The following PCGF5 variants were observed in gnomAD, a reference collection of about 807,000 sequenced individuals.
The protein encoded by PCGF5 is polycomb group RING finger protein 5.
In PCGF5, 9 loss-of-function variants were observed where a neutral mutation model predicts 44.3. That is an observed-to-expected ratio of 0.20 (90% CI 0.12 to 0.35). PCGF5 has a LOEUF of 0.35. PCGF5 is among the 10% of genes least tolerant of loss of function. The probability of loss-of-function intolerance (pLI) is 1.00; values close to 1 mark genes in which losing one functional copy is unlikely to be tolerated. For missense variants in PCGF5, 146 were observed against 305.3 expected (o/e 0.48, Z 3.89); for synonymous variants, 95 against 102.5 (o/e 0.93, Z 0.44).
At chr10:91,183,207 C>T (rs1028387531) in intron 1 of PCGF5, among the ~76,000 whole-genome samples, 3 of 152,084 alleles carry the variant, frequency 2.0e-5, no homozygotes, top group Admixed American at 6.5e-5. Context: ...AAGTCTCCCA[C>T]TATTATTGTG....
chr10:91,204,873 G>A (rs1564633004), intron 1 of PCGF5, among the ~76,000 whole-genome samples: 2 of 152,116 alleles, frequency 1.3e-5, no homozygotes, highest in South Asian at 2.1e-4. Context: ...GGGCACAATG[G>A]TGAAAGATTT....
chr10:91,170,795 C>T (rs183744417), intron 1 of PCGF5, among the ~76,000 whole-genome samples: 227 of 152,306 alleles, frequency 1.5e-3, no homozygotes, highest in African/African-American at 5.3e-3. Context: ...TGTGGCCACA[C>T]AGAAACCTGC....
chr10:91,256,033 T>C (rs1845745030), intron 6 of PCGF5, among the ~76,000 whole-genome samples: 1 of 152,082 alleles, frequency 6.6e-6, no homozygotes, highest in African/African-American at 2.4e-5. Flanking sequence ...GATCTGTGAT[T>C]GCTTGAATTC....
At chr10:91,178,395 CTT>C (rs5786943) in intron 1 of PCGF5, among the ~76,000 whole-genome samples, 5 of 143,510 alleles carry the variant, frequency 3.5e-5, no homozygotes, top group African/African-American at 2.6e-5. Context: ...CTTTTCTTTT[CTT>C]TTTTTTTTTT....
Position 91,279,030 on chromosome 10 carries a change from A to G in PCGF5, c.*714A>G, listed in dbSNP as rs749008776. 1.3e-5 allele frequency: 2 copies of G among 152,588 alleles called. No individual in the cohort carries two copies. Among genetic ancestry groups the G allele is most frequent in the Non-Finnish European group, 2.9e-5 (2 of 68,022 alleles). The allele number at this position is 152,588 out of a possible 1,614,324, so 9.5% of individuals were successfully genotyped here. On this transcript the variant is annotated 3_prime_UTR_variant, in exon 10 of 10. Transcript: ENST00000336126. ...CTGAAGTTAGATTCCCAACCATTCA[A>G]AATGTTGGCAGCTGATCACATTTAC...
At chr10:91,221,783 A>G (rs1257655822) in intron 1 of PCGF5, among the ~76,000 whole-genome samples, 2 of 152,214 alleles carry the variant, frequency 1.3e-5, no homozygotes, top group Admixed American at 6.5e-5. Flanking sequence ...TATCTACTAA[A>G]TATGACCAGT....
rs541199835 is a variant in PCGF5 at position 91,195,071 on chromosome 10, A to G, written c.-183-27618A>G. On this transcript the variant is annotated intron_variant, in intron 1 of 9. Transcript: ENST00000614189. ...TTCTCAGTGGAATAGGAAGCAGCTG[A>G]GAGTGAGGATGGGGAAGGTGGTTTG... 2.0e-5 allele frequency among the ~76,000 whole-genome samples: 3 copies of G among 152,246 alleles called. No individual in the cohort carries two copies. In the South Asian group the frequency reaches 6.2e-4, roughly 32 times the overall value.
chr10:91,249,782 A>T (rs1020495257), intron 5 of PCGF5, among the ~76,000 whole-genome samples: 6 of 152,120 alleles, frequency 3.9e-5, no homozygotes, highest in African/African-American at 1.2e-4. Flanking sequence ...ATCTGTAACA[A>T]CAACAACAAA....
chr10:91,244,991 G>A (rs764448191), intron 3 of PCGF5, among the ~76,000 whole-genome samples: 30 of 152,130 alleles, frequency 2.0e-4, no homozygotes, highest in Admixed American at 2.6e-4. Context: ...AAAACATTTG[G>A]TAGTCTTCAA....
At chr10:91,183,348 C>T (rs1589355639) in intron 1 of PCGF5, among the ~76,000 whole-genome samples, 1 of 151,358 alleles carries the variant, frequency 6.6e-6, no homozygotes, top group African/African-American at 2.4e-5. Flanking sequence ...TATGTAATGC[C>T]CTTTGTCTTT....
intron 8 of PCGF5, among the ~76,000 whole-genome samples, chr10:91,270,926 T>G (rs1263295926): frequency 6.6e-6 from 1 of 151,986 alleles, no homozygotes; most frequent in East Asian, 1.9e-4. Context: ...TTGGGAATGA[T>G]TTTTTTAAAT....
chr10:91,241,127 T>C (rs1332973109), intron 3 of PCGF5, among the ~76,000 whole-genome samples: 1 of 151,510 alleles, frequency 6.6e-6, no homozygotes, highest in Non-Finnish European at 1.5e-5. Flanking sequence ...CAGGCTGGAG[T>C]GCAATGGTGC....
At chr10:91,160,091 C>T (rs911939973), upstream of PCGF5, among the ~76,000 whole-genome samples, 2 of 152,136 alleles carry the variant, frequency 1.3e-5, no homozygotes, top group African/African-American at 2.4e-5. Context: ...TTAGTTATCC[C>T]TTGTTTCAGT....
In PCGF5 at chr10:91,222,789, A is replaced by G; in HGVS notation, c.-83A>G. On this transcript the variant is annotated 5_prime_UTR_variant, in exon 2 of 10. Transcript: ENST00000336126. ...CTCAGGACATCCTACTGGGAACGAC[A>G]CACCAGCTCCTGGGATCAGACTTTC... 1 of 755,046 alleles carries G rather than the reference A, an allele frequency of 1.3e-6. No homozygotes were observed. Among genetic ancestry groups the G allele is most frequent in the Non-Finnish European group, 2.3e-6 (1 of 439,054 alleles). 46.8% of individuals were successfully genotyped at this position (755,046 alleles called of 1,614,324 possible). A position where few individuals can be genotyped will look rare whatever the true frequency, so the allele number is the denominator to read the frequency against.
chr10:91,255,175 T>A (rs1227975009), intron 6 of PCGF5, among the ~76,000 whole-genome samples: 2 of 151,944 alleles, frequency 1.3e-5, no homozygotes, highest in Non-Finnish European at 2.9e-5. Flanking sequence ...TCTCTGTGGG[T>A]GGGGGAAAGG....
At position 91,207,496 on chromosome 10, in the gene PCGF5, T is replaced by G. The variant is rs916279744; in HGVS notation, c.-183-15193T>G. ...ATAGTTGCAGACATGACCCTTTACC[T>G]CTAAATACTTCAGGTTGTATCACCT... is the stretch of plus-strand genomic sequence containing the variant. On this transcript the variant is annotated intron_variant, in intron 1 of 9. Transcript: ENST00000614189. 7.8e-4 allele frequency among the ~76,000 whole-genome samples: 119 copies of G among 152,186 alleles called. 1 individual carries two copies. Among genetic ancestry groups the G allele is most frequent in the African/African-American group, 2.7e-3 (110 of 41,450 alleles).
intron 1 of PCGF5, among the ~76,000 whole-genome samples, chr10:91,163,423 C>T (rs1843430657): frequency 6.6e-6 from 1 of 151,996 alleles, no homozygotes; most frequent in Non-Finnish European, 1.5e-5. Flanking sequence ...GGAGCAGCGG[C>T]TCCCTGGCTG....
Position 91,279,153 on chromosome 10 carries a change from T to C in PCGF5, c.*837T>C, listed in dbSNP as rs1846387187. The C allele has an allele frequency of 1.3e-5, 2 of 152,256 alleles. No homozygotes were observed. Among genetic ancestry groups the C allele is most frequent in the South Asian group, 4.1e-4 (2 of 4,834 alleles). 9.4% of individuals were successfully genotyped at this position (152,256 alleles called of 1,614,324 possible). ...ATGAAACGTCATTGTATAGCCCATT[T>C]CATGTATCATTACATTGTTGCTGTT... On this transcript the variant is annotated 3_prime_UTR_variant, in exon 10 of 10. Transcript: ENST00000336126.
chr10:91,157,582 A>G, the PCGF5 span, among the ~76,000 whole-genome samples: 2 of 152,222 alleles, frequency 1.3e-5, no homozygotes. Flanking sequence ...TTCAGACAAA[A>G]AAGACAAGCA....
Sources: gnomAD v4.1 joint callset for allele counts (sites outside exome capture counted in the v4.1 genomes callset) on GRCh38, gnomAD v4.1.1 for gene constraint, MANE v1.5 for transcripts, NCBI Gene and HGNC (gene_info 2026-07-23, HGNC 2026-07-21) for gene names.